SNTB2: variants seen among roughly 807,000 people sequenced by gnomAD.
The protein encoded by SNTB2 is beta-2-syntrophin.
Under a neutral mutation model 46.2 loss-of-function variants are expected in SNTB2, and 34 were observed. The ratio of observed to expected loss-of-function variants is 0.74; its 90% confidence interval spans 0.56 to 0.98. The LOEUF (loss-of-function observed/expected upper bound fraction) is 0.98. Ranked by LOEUF, SNTB2 falls within the 50% of genes least tolerant of loss-of-function variation. The pLI is 0.00. For missense variants in SNTB2, 603 were observed against 731.4 expected, an observed-to-expected ratio of 0.82 and a Z score of 2.02; for synonymous variants, 290 against 312.6, an observed-to-expected ratio of 0.93 and a Z score of 0.76.
chr16:69,281,993 C>A (rs1000128831), intron 4 of SNTB2, among the ~76,000 whole-genome samples: 4 of 148,264 alleles, frequency 2.7e-5, no homozygotes, highest in Non-Finnish European at 6.0e-5. Flanking sequence ...CAACCTCCAC[C>A]TTCCCGGGTT....
chr16:69,270,139 A>T lies in SNTB2; in HGVS notation c.1006-4A>T, dbSNP rs1424188090. The stretch of plus-strand genomic sequence containing the variant: ...CTGATTTCTGAATTTTTCCATTGTA[A>T]CAGGCAAAACTAGATGGTGGAAGAC... On this transcript the variant is annotated splice_polypyrimidine_tract_variant and splice_region_variant and intron_variant, in intron 3 of 6. Transcript: ENST00000336278. The T allele has an allele frequency of 3.7e-6, 6 of 1,613,864 alleles. No homozygotes were observed. The Admixed American group carries it at 8.3e-5, about 22-fold the overall frequency.
intron 2 of SNTB2, among the ~76,000 whole-genome samples, chr16:69,256,022 C>G (rs1008306949): frequency 6.6e-6 from 1 of 151,900 alleles, no homozygotes; most frequent in African/African-American, 2.4e-5. Flanking sequence ...CCCGTCTCTA[C>G]TAAAAGTACA....
chr16:69,192,243 G>A lies in SNTB2; in HGVS notation c.580+4497G>A, dbSNP rs142811231. On this transcript the variant is annotated intron_variant, in intron 1 of 6. Transcript: ENST00000336278. ...TGGTGGTAGTGGCAGTGGGAATAGA[G>A]AGGAGGATTCAATTCAAGAGATACT... is the stretch of plus-strand genomic sequence containing the variant. 6.2e-3 allele frequency among the ~76,000 whole-genome samples: 951 copies of A among 152,326 alleles called. 11 individuals are homozygous for A. The highest frequency in any genetic ancestry group is 0.02 in the African/African-American group (839 of 41,560).
intron 1 of SNTB2, among the ~76,000 whole-genome samples, chr16:69,191,584 GC>G (rs1964055163): frequency 7.9e-6 from 1 of 126,704 alleles, no homozygotes; most frequent in African/African-American, 2.9e-5. Context: ...AAAAAGCAAA[GC>G]CAGTAAGTAA....
At chr16:69,264,291 C>T (rs1964864833) in intron 3 of SNTB2, among the ~76,000 whole-genome samples, 2 of 152,190 alleles carry the variant, frequency 1.3e-5, no homozygotes, top group African/African-American at 2.4e-5. Context: ...TGGGTCTGCC[C>T]TACCTGAAGA....
chr16:69,222,800 A>G (rs1051245716), intron 1 of SNTB2, among the ~76,000 whole-genome samples: 5 of 151,954 alleles, frequency 3.3e-5, no homozygotes, highest in African/African-American at 1.2e-4. Context: ...TTTTTCTGAG[A>G]TGGGAGTTTT....
intron 3 of SNTB2, among the ~76,000 whole-genome samples, chr16:69,268,290 G>A (rs904096515): frequency 6.6e-6 from 1 of 151,776 alleles, no homozygotes; most frequent in African/African-American, 2.4e-5. Context: ...ATGGTGAAAC[G>A]CTGTCTTTAC....
intron 4 of SNTB2, 44 bp downstream of exon 4, chr16:69,270,329 C>T: frequency 5.0e-6 from 8 of 1,604,632 alleles, no homozygotes; most frequent in Non-Finnish European, 6.8e-6. Context: ...TTATCCTACT[C>T]TAAATCTACA....
chr16:69,237,302 A>C (rs1964568023), intron 1 of SNTB2, among the ~76,000 whole-genome samples: 2 of 152,236 alleles, frequency 1.3e-5, no homozygotes, highest in South Asian at 4.1e-4. Context: ...AACAGCTGGT[A>C]GAGTGCATTG....
intron 4 of SNTB2, among the ~76,000 whole-genome samples, chr16:69,283,591 C>G (rs969437566): frequency 1.3e-5 from 2 of 152,124 alleles, no homozygotes; most frequent in African/African-American, 4.8e-5. Context: ...ATGCAGTTAG[C>G]TATCCATTTT....
chr16:69,208,616 A>G (rs964677511), intron 1 of SNTB2, among the ~76,000 whole-genome samples: 1 of 152,168 alleles, frequency 6.6e-6, no homozygotes, highest in African/African-American at 2.4e-5. Context: ...TATTTGCCAG[A>G]GGCACAGAAT....
At position 69,304,862 on chromosome 16, in the gene SNTB2, T is replaced by C. The variant is rs996889508; in HGVS notation, c.*3938T>C. 2.0e-5 allele frequency: 3 copies of C among 151,426 alleles called. No individual in the cohort carries two copies. Among genetic ancestry groups the C allele is most frequent in the Non-Finnish European group, 4.4e-5 (3 of 67,926 alleles). The allele number at this position is 151,426 out of a possible 1,614,324, so 9.4% of individuals were successfully genotyped here. On this transcript the variant is annotated 3_prime_UTR_variant, in exon 7 of 7. Transcript: ENST00000336278. The stretch of plus-strand genomic sequence containing the variant: ...TGGATTTTTTTTTCTTTTTTTTTTT[T>C]CGCCATGTTGCCCAGGCTGGTCTTG...
intron 4 of SNTB2, among the ~76,000 whole-genome samples, chr16:69,279,088 C>T (rs1965011814): frequency 6.6e-6 from 1 of 152,132 alleles, no homozygotes; most frequent in Admixed American, 6.5e-5. Context: ...TTAGTGTTTA[C>T]TATATGCACA....
intron 1 of SNTB2, among the ~76,000 whole-genome samples, chr16:69,236,662 A>T (rs1360123831): frequency 1.3e-5 from 2 of 150,222 alleles, no homozygotes; most frequent in Non-Finnish European, 1.5e-5. Context: ...TGTTGTGTAT[A>T]TTTTACAATT....
intron 5 of SNTB2, among the ~76,000 whole-genome samples, chr16:69,297,719 C>G (rs529080305): frequency 2.7e-4 from 41 of 152,204 alleles, no homozygotes; most frequent in Non-Finnish European, 4.3e-4. Flanking sequence ...CAAGACCAAC[C>G]TGGCCAACGT....
At chr16:69,262,503 G>GT (rs562743853) in intron 3 of SNTB2, among the ~76,000 whole-genome samples, 2 of 150,962 alleles carry the variant, frequency 1.3e-5, no homozygotes, top group African/African-American at 2.4e-5. Context: ...TCATAGTGTT[G>GT]TTTTTTTTAA....
intron 2 of SNTB2, among the ~76,000 whole-genome samples, chr16:69,252,786 T>C (rs1964738238): frequency 1.3e-5 from 2 of 152,204 alleles, no homozygotes; most frequent in African/African-American, 4.8e-5. Flanking sequence ...CTCTTCTCCC[T>C]TGTGGACCCA....
At chr16:69,208,443 G>GTA (rs1483956599) in intron 1 of SNTB2, among the ~76,000 whole-genome samples, 1 of 151,298 alleles carries the variant, frequency 6.6e-6, no homozygotes, top group Non-Finnish European at 1.5e-5. Context: ...AGTATAGTAT[G>GTA]TACTCTTTTG....
At chr16:69,229,254 C>T (rs1371552380) in intron 1 of SNTB2, among the ~76,000 whole-genome samples, 1 of 152,148 alleles carries the variant, frequency 6.6e-6, no homozygotes, top group African/African-American at 2.4e-5. Context: ...ACTGTAGCCT[C>T]AGCCACCCAG....
Sources: gnomAD v4.1 joint callset for allele counts (sites outside exome capture counted in the v4.1 genomes callset) on GRCh38, gnomAD v4.1.1 for gene constraint, MANE v1.5 for transcripts, NCBI Gene and HGNC (gene_info 2026-07-23, HGNC 2026-07-21) for gene names.